The following LARGE1 variants were observed in gnomAD, a reference collection of about 807,000 sequenced individuals.
The protein encoded by LARGE1 is xylosyl- and glucuronyltransferase LARGE1.
LARGE1 carries 43 observed loss-of-function variants against 87.6 expected under a neutral mutation model. The ratio of observed to expected loss-of-function variants is 0.49; its 90% confidence interval spans 0.38 to 0.63. LARGE1 has a LOEUF of 0.63. Ranked by LOEUF, LARGE1 falls within the 30% of genes least tolerant of loss-of-function variation. The pLI is 0.00. For missense variants in LARGE1, 802 were observed against 1,000.2 expected, an observed-to-expected ratio of 0.80 and a Z score of 2.67; for synonymous variants, 434 against 394.6, an observed-to-expected ratio of 1.10 and a Z score of -1.18.
At chr22:33,093,132 T>C in the LARGE1 span, among the ~76,000 whole-genome samples, 1 of 152,166 alleles carries the variant, frequency 6.6e-6, no homozygotes, top group Non-Finnish European at 1.5e-5. Context: ...CTCCTTTCTT[T>C]GCAAAATGGG....
At chr22:33,224,442 C>T (rs1925627617) in intron 11 of LARGE1, among the ~76,000 whole-genome samples, 1 of 152,124 alleles carries the variant, frequency 6.6e-6, no homozygotes, top group Non-Finnish European at 1.5e-5. Context: ...GCGCTATTAT[C>T]TCCTTTAAAT....
At chr22:33,918,132 G>A (rs2267320) in intron 1 of LARGE1, among the ~76,000 whole-genome samples, 45,215 of 152,128 alleles carry the variant, frequency 0.3, 8,024 homozygotes, top group East Asian at 0.54. Context: ...AAGCACTTCC[G>A]AGACCTATGA....
At chr22:33,092,164 C>T in the LARGE1 span, among the ~76,000 whole-genome samples, 26 of 152,164 alleles carry the variant, frequency 1.7e-4, no homozygotes, top group Non-Finnish European at 2.1e-4. Flanking sequence ...TCCCAAAGTG[C>T]TGGGATTACA....
At chr22:33,476,919 G>C (rs1365788045) in intron 6 of LARGE1, among the ~76,000 whole-genome samples, 4 of 152,190 alleles carry the variant, frequency 2.6e-5, no homozygotes, top group Non-Finnish European at 5.9e-5. Context: ...TGTGAGTCAT[G>C]AGGTGCTGCC....
At chr22:33,071,956 G>A in the LARGE1 span, among the ~76,000 whole-genome samples, 14 of 152,112 alleles carry the variant, frequency 9.2e-5, no homozygotes, top group South Asian at 4.1e-4. Context: ...GCTACTACCC[G>A]GCCGTTTCTG....
chr22:33,488,903 A>C (rs1456907822), intron 6 of LARGE1, among the ~76,000 whole-genome samples: 5 of 152,150 alleles, frequency 3.3e-5, no homozygotes, highest in Non-Finnish European at 7.4e-5. Flanking sequence ...ACCCAACTTG[A>C]AAAACTTCAC....
intron 3 of LARGE1, among the ~76,000 whole-genome samples, chr22:33,645,389 T>C (rs560007133): frequency 4.6e-5 from 7 of 152,318 alleles, no homozygotes; most frequent in African/African-American, 1.7e-4. Flanking sequence ...TGGCTAGCCA[T>C]ATGCAGAAAA....
At chr22:33,883,378 T>C (rs1356740355) in intron 1 of LARGE1, among the ~76,000 whole-genome samples, 1 of 152,212 alleles carries the variant, frequency 6.6e-6, no homozygotes, top group Non-Finnish European at 1.5e-5. Flanking sequence ...CAGACTCATA[T>C]ATTTCTCAAA....
At chr22:33,734,099 G>A (rs375828344) in intron 2 of LARGE1, among the ~76,000 whole-genome samples, 1 of 152,176 alleles carries the variant, frequency 6.6e-6, no homozygotes, top group African/African-American at 2.4e-5. Context: ...TCCTCCGTGT[G>A]TCTCACATCA....
intron 11 of LARGE1, among the ~76,000 whole-genome samples, chr22:33,198,307 T>G (rs1353486414): frequency 1.4e-5 from 2 of 144,872 alleles, no homozygotes; most frequent in Admixed American, 1.4e-4. Flanking sequence ...TTAAGACATC[T>G]GCAAGCTATG....
At chr22:33,670,968 G>A (rs1191830669) in intron 2 of LARGE1, among the ~76,000 whole-genome samples, 1 of 152,048 alleles carries the variant, frequency 6.6e-6, no homozygotes, top group Non-Finnish European at 1.5e-5. Context: ...GATGCCAAAG[G>A]CACCAAAAAA....
chr22:33,566,654 C>G (rs2078035903), intron 5 of LARGE1, among the ~76,000 whole-genome samples: 1 of 152,190 alleles, frequency 6.6e-6, no homozygotes, highest in Non-Finnish European at 1.5e-5. Flanking sequence ...GATGCCGCTG[C>G]TGGCTGGGGT....
intron 11 of LARGE1, among the ~76,000 whole-genome samples, chr22:33,186,931 A>G (rs1018413869): frequency 3.3e-5 from 5 of 152,198 alleles, no homozygotes; most frequent in Admixed American, 3.3e-4. Context: ...CTAAATGTTC[A>G]AAGCCATCAG....
the LARGE1 span, among the ~76,000 whole-genome samples, chr22:33,142,030 CAACAA>C: frequency 5.3e-5 from 8 of 151,160 alleles, no homozygotes; most frequent in East Asian, 7.8e-4. Flanking sequence ...GCTTACTTAA[CAACAA>C]AACAAAACAA....
At chr22:33,614,550 C>T (rs1333568868) in intron 4 of LARGE1, among the ~76,000 whole-genome samples, 2 of 152,106 alleles carry the variant, frequency 1.3e-5, no homozygotes, top group African/African-American at 4.8e-5. Context: ...CACACCCCTT[C>T]CTTAAACCCT....
chr22:33,179,537 G>A (rs966771535), intron 11 of LARGE1, among the ~76,000 whole-genome samples: 4 of 152,178 alleles, frequency 2.6e-5, no homozygotes, highest in African/African-American at 9.7e-5. Flanking sequence ...AGTACAAGAC[G>A]CATAGGTACT....
At chr22:33,605,620 A>G (rs2079230956) in intron 4 of LARGE1, among the ~76,000 whole-genome samples, 1 of 152,236 alleles carries the variant, frequency 6.6e-6, no homozygotes. Context: ...CTGGCTAGAT[A>G]CAAAGCAATA....
rs8137704 is a variant in LARGE1, at chr22:33,416,802, C to G, written c.892+15359G>C. Among the ~76,000 whole-genome samples, 221 of 151,578 alleles carry G rather than the reference C, an allele frequency of 1.5e-3. 1 individual carries two copies. Among genetic ancestry groups the G allele is most frequent in the African/African-American group, 5.0e-3 (208 of 41,256 alleles). ...TATTTTTAGTAGAGATGGGGTTTCACTATGTTGGTCAGGCTGGTCTTGAAC... is the reference window on the plus strand; with the variant it reads ...TATTTTTAGTAGAGATGGGGTTTCAGTATGTTGGTCAGGCTGGTCTTGAAC... On this transcript the variant is annotated intron_variant, in intron 7 of 14. Transcript: ENST00000397394.
chr22:33,224,429 C>G (rs751653108), intron 11 of LARGE1, among the ~76,000 whole-genome samples: 2 of 152,210 alleles, frequency 1.3e-5, no homozygotes, highest in African/African-American at 4.8e-5. Context: ...CCATATTGTG[C>G]CAGCGCTATT....
Sources: gnomAD v4.1 joint callset for allele counts (sites outside exome capture counted in the v4.1 genomes callset) on GRCh38, gnomAD v4.1.1 for gene constraint, MANE v1.5 for transcripts, NCBI Gene and HGNC (gene_info 2026-07-23, HGNC 2026-07-21) for gene names.